RARA: variants seen among roughly 807,000 people sequenced by gnomAD.
RARA encodes the protein PML-DDX5-RARA fusion.
A neutral mutation model predicts 42.8 loss-of-function variants in RARA; 5 were observed. The observed-to-expected ratio is 0.12, with a 90% CI of 0.06 to 0.25. RARA has a LOEUF of 0.25. RARA is among the 10% of genes least tolerant of loss of function. The pLI, the probability that RARA is intolerant of heterozygous loss-of-function variation, is 1.00. For missense variants in RARA, 402 were observed against 628.7 expected, an observed-to-expected ratio of 0.64 and a Z score of 3.86; for synonymous variants, 256 against 259.5, an observed-to-expected ratio of 0.99 and a Z score of 0.13.
At chr17:40,322,704 G>T (rs1643959933) in intron 1 of RARA, among the ~76,000 whole-genome samples, 1 of 151,930 alleles carries the variant, frequency 6.6e-6, no homozygotes, top group Admixed American at 6.5e-5. Context: ...CTGATCTCCA[G>T]TCACGGCAGG....
chr17:40,347,979 C>T, intron 2 of RARA: 1 of 221,800 alleles, frequency 4.5e-6, no homozygotes. Context: ...GGCCAGGCCG[C>T]CCAGGGGCAA....
Position 40,351,503 on chromosome 17 carries a change from C to A in RARA, c.470-407C>A, listed in dbSNP as rs1008259599. 5 of 474,544 alleles carry A rather than the reference C, an allele frequency of 1.1e-5. No individual in the cohort carries two copies. The highest frequency in any genetic ancestry group is 2.2e-5 in the Non-Finnish European group (5 of 229,932). The allele number at this position is 474,544 out of a possible 1,614,324, so 29.4% of individuals were successfully genotyped here. ...TGCTCAGAGCCAGTCCCAAGGGACC[C>A]CCAGGGAGACTGCAGCTGGGAGGGC... On this transcript the variant is annotated intron_variant, in intron 4 of 8. Transcript: ENST00000254066. This position sits in a 1 kb window ranked among gnomAD's most constrained non-coding sequence, Gnocchi z 4.1.
chr17:40,331,488 A>T, intron 2 of RARA, 92 bp downstream of exon 2: 2 of 1,399,618 alleles, frequency 1.4e-6, no homozygotes, highest in South Asian at 2.9e-5. Flanking sequence ...TTCTGCTGTG[A>T]GTGGAAGGCA....
In RARA at chr17:40,331,249, C is replaced by G; in HGVS notation, c.31C>G (p.Pro11Ala). 6.2e-7 allele frequency: 1 copy of G among 1,613,296 alleles called. No homozygotes were observed. The highest frequency in any genetic ancestry group is 8.5e-7 in the Non-Finnish European group (1 of 1,179,834). Residue 11 changes from proline (P) to alanine (A), a missense_variant, in exon 2 of 9, where the codon CCT becomes GCT. Coordinates refer to ENST00000254066, the MANE Select transcript of RARA (RefSeq NM_000964.4). ...CAGCAACAGCAGCTCCTGCCCGACA[C>G]CTGGGGGCGGGCACCTCAATGGGTA... MASNSSSCPT[P>A]GGGHLNGYPV...
rs758087141 is a variant in RARA at position 40,348,374 on chromosome 17, C to T, written c.237C>T (p.Pro79=). ...EEIVPSPPSP[P]PLPRIYKPCF... is the part of the protein sequence containing the mutation. The stretch of plus-strand genomic sequence containing the variant: ...TAGTGCCCAGCCCTCCCTCGCCACC[C>T]CCTCTACCCCGCATCTACAAGCCTT... The change falls in exon 3 of 9, where the codon CCC becomes CCT. Residue 79 remains proline, a synonymous_variant. Transcript: ENST00000254066. 1 of 1,613,058 alleles carries T rather than the reference C, an allele frequency of 6.2e-7. No individual in the cohort carries two copies.
chr17:40,325,067 A>G (rs1317306668), intron 1 of RARA, among the ~76,000 whole-genome samples: 1 of 151,924 alleles, frequency 6.6e-6, no homozygotes, highest in Non-Finnish European at 1.5e-5. Context: ...CCTGGTGAAC[A>G]TGGTGAAACC....
intron 2 of RARA, chr17:40,342,512 G>T: frequency 7.6e-7 from 1 of 1,322,210 alleles, no homozygotes; most frequent in Non-Finnish European, 9.7e-7. Flanking sequence ...CTTTTCACCG[G>T]GACTGGCGGA....
At chr17:40,328,855 A>G (rs1598547754) in intron 1 of RARA, among the ~76,000 whole-genome samples, 1 of 152,308 alleles carries the variant, frequency 6.6e-6, no homozygotes, top group East Asian at 1.9e-4. Context: ...GACTATTAGG[A>G]ATAACGCTGC....
At chr17:40,332,196 C>T (rs1458269510) in intron 2 of RARA, among the ~76,000 whole-genome samples, 1 of 152,144 alleles carries the variant, frequency 6.6e-6, no homozygotes, top group South Asian at 2.1e-4. Context: ...CCTGCCAGGC[C>T]GCTTACAGTA....
At position 40,314,720 on chromosome 17, in the gene RARA, T is replaced by C. The variant is rs138730036; in HGVS notation, c.-363+5434T>C. Among the ~76,000 whole-genome samples the C allele has an allele frequency of 2.7e-3, 406 of 152,074 alleles. 2 individuals are homozygous for C. The highest frequency in any genetic ancestry group is 9.3e-3 in the African/African-American group (387 of 41,462). On this transcript the variant is annotated intron_variant, in intron 1 of 8. Coordinates refer to ENST00000254066, the MANE Select transcript of RARA (RefSeq NM_000964.4). ...GCTGTGCCTGCTGGGCATCACAGTCTTGGTGGTGACTAAGTCACTTCTGTC... is the reference window on the plus strand; with the variant it reads ...GCTGTGCCTGCTGGGCATCACAGTCCTGGTGGTGACTAAGTCACTTCTGTC...
Position 40,331,213 on chromosome 17 carries a change from C to A in RARA, c.-6C>A. ...TCTGCCTCCCTTCTGACTGTGGCCGCTTGGCATGGCCAGCAACAGCAGCTC... is the reference window on the plus strand; with the variant it reads ...TCTGCCTCCCTTCTGACTGTGGCCGATTGGCATGGCCAGCAACAGCAGCTC... On this transcript the variant is annotated 5_prime_UTR_variant, in exon 2 of 9. Coordinates refer to ENST00000254066, the MANE Select transcript of RARA (RefSeq NM_000964.4). The A allele has an allele frequency of 6.2e-7, 1 of 1,608,094 alleles. No homozygotes were observed. The highest frequency in any genetic ancestry group is 8.5e-7 in the Non-Finnish European group (1 of 1,178,066).
At chr17:40,336,376 A>G (rs928613233) in intron 2 of RARA, among the ~76,000 whole-genome samples, 15 of 150,264 alleles carry the variant, frequency 1.0e-4, no homozygotes, top group East Asian at 1.0e-3. Flanking sequence ...GCACCTGGCC[A>G]AAGACATTTA....
chr17:40,312,920 T>A (rs917415970), intron 1 of RARA, among the ~76,000 whole-genome samples: 6 of 152,176 alleles, frequency 3.9e-5, no homozygotes, highest in Admixed American at 1.3e-4. Context: ...CTCAGTGTGC[T>A]TCCCTTCCCT....
intron 2 of RARA, among the ~76,000 whole-genome samples, chr17:40,340,694 A>G (rs1302280562): frequency 2.6e-5 from 4 of 152,238 alleles, no homozygotes; most frequent in Non-Finnish European, 5.9e-5. Flanking sequence ...AGAGCATAAT[A>G]GCATTTATCT....
intron 1 of RARA, among the ~76,000 whole-genome samples, chr17:40,324,629 A>G (rs1056666591): frequency 3.3e-5 from 5 of 152,148 alleles, no homozygotes; most frequent in African/African-American, 9.7e-5. Context: ...GGGGTCCTGC[A>G]GCTCTGTGTA....
Position 40,356,256 on chromosome 17 carries a change from C to T in RARA, c.*30C>T, listed in dbSNP as rs1403855464. ...CCACGCCACATGGACACAGCCCTCGCCCTCCGCCCCGGCTTTTCTCTGCCT... is the reference window on the plus strand; with the variant it reads ...CCACGCCACATGGACACAGCCCTCGTCCTCCGCCCCGGCTTTTCTCTGCCT... On this transcript the variant is annotated 3_prime_UTR_variant, in exon 9 of 9. Coordinates refer to ENST00000254066, the MANE Select transcript of RARA (RefSeq NM_000964.4). 4.5e-6 allele frequency: 7 copies of T among 1,540,702 alleles called. No individual in the cohort carries two copies. Among genetic ancestry groups the T allele is most frequent in the Non-Finnish European group, 6.1e-6 (7 of 1,139,130 alleles).
At chr17:40,342,296 G>A in intron 2 of RARA, 1 of 1,064,772 alleles carries the variant, frequency 9.4e-7, no homozygotes, top group Non-Finnish European at 1.1e-6. Context: ...ATCCCCGGCT[G>A]GGAGGAGGAA....
At position 40,321,046 on chromosome 17, in the gene RARA, A is replaced by C. The variant is rs562124442; in HGVS notation, c.-362-9811A>C. ...GACGCCTGCTGTCTTTCCTCCCTCT[A>C]CTCCCCTCTCCACCCTCTGGCTGCT... is the stretch of plus-strand genomic sequence containing the variant. On this transcript the variant is annotated intron_variant, in intron 1 of 8. Transcript: ENST00000254066. 3.4e-5 allele frequency among the ~76,000 whole-genome samples: 5 copies of C among 147,490 alleles called. No homozygotes were observed. In the East Asian group the frequency reaches 1.0e-3, roughly 29 times the overall value.
chr17:40,342,871 C>A (rs367850336), intron 2 of RARA: 64 of 1,609,152 alleles, frequency 4.0e-5, no homozygotes, highest in Middle Eastern at 1.6e-4. Flanking sequence ...AACCACTGTA[C>A]GTACCGGCCT....
Sources: gnomAD v4.1 joint callset for allele counts (sites outside exome capture counted in the v4.1 genomes callset) on GRCh38, gnomAD v4.1.1 for gene constraint, Gnocchi (gnomAD v3.1) non-coding constraint, MANE v1.5 for transcripts, NCBI Gene and HGNC (gene_info 2026-07-23, HGNC 2026-07-21) for gene names.